Variants in VPS35 observed in about 807,000 individuals in gnomAD.
VPS35 encodes the protein vacuolar protein sorting-associated protein 35.
A neutral mutation model predicts 98.1 loss-of-function variants in VPS35; 21 were observed. That is an observed-to-expected ratio of 0.21 (90% confidence interval 0.15 to 0.31). VPS35 has a LOEUF of 0.31. Among genes scored for constraint, VPS35 ranks in the 10% least tolerant of loss-of-function variants. VPS35 has a pLI of 1.00. For missense variants in VPS35, 554 were observed against 950.8 expected, an observed-to-expected ratio of 0.58 and a Z score of 5.49; for synonymous variants, 268 against 318.2, an observed-to-expected ratio of 0.84 and a Z score of 1.68.
rs1741698391 is a variant in VPS35, at chr16:46,681,971, AC to A, written c.199+107del. ...GAAGGAGTGCCATGTGACTCAGATA[AC>A]GAAGAATAAGATAACTCCAGAAAAA... On this transcript the variant is annotated intron_variant, in intron 3 of 16. Transcript: ENST00000299138. The A allele has an allele frequency of 6.2e-6, 5 of 812,206 alleles. No homozygotes were observed. In the South Asian group the frequency reaches 7.3e-5, roughly 12 times the overall value. The allele number at this position is 812,206 out of a possible 1,614,324, so 50.3% of individuals were successfully genotyped here.
rs1223717892 is a variant in VPS35 at position 46,677,455 on chromosome 16, T to C, written c.721-57A>G. On this transcript the variant is annotated intron_variant, in intron 6 of 16. Transcript: ENST00000299138. ...AATCTGTTTTCAAAATCTTAAGCTA[T>C]TCCTCTAGTAACGCATTTGAACTAC... is the stretch of plus-strand genomic sequence containing the variant. 10 of 1,424,016 alleles carry C rather than the reference T, an allele frequency of 7.0e-6. 1 individual carries two copies. The South Asian group carries it at 9.2e-5, about 13-fold the overall frequency. 88.2% of individuals were successfully genotyped at this position (1,424,016 alleles called of 1,614,324 possible).
At position 46,661,964 on chromosome 16, in the gene VPS35, C is replaced by T; in HGVS notation, c.2068-103G>A. ...GTGGCTCTTTCGTGTTTTAAAGGGA[C>T]ATAACAAATTTAAATCCTTTTCATT... On this transcript the variant is annotated intron_variant, in intron 15 of 16. Transcript: ENST00000299138. The surrounding 1 kb of genome is among the most constrained non-coding windows in gnomAD (Gnocchi z 4.3). The T allele has an allele frequency of 1.3e-6, 2 of 1,499,282 alleles. No individual in the cohort carries two copies. The highest frequency in any genetic ancestry group is 2.4e-5 in the South Asian group (2 of 85,076). 92.9% of individuals were successfully genotyped at this position (1,499,282 alleles called of 1,614,324 possible).
intron 13 of VPS35, among the ~76,000 whole-genome samples, chr16:46,664,292 G>A (rs1965956608): frequency 6.6e-6 from 1 of 151,916 alleles, no homozygotes; most frequent in African/African-American, 2.4e-5. Flanking sequence ...CTGAGTAGCT[G>A]GGATTACAAG....
At chr16:46,670,154 A>T (rs1307772745) in intron 12 of VPS35, among the ~76,000 whole-genome samples, 4 of 152,234 alleles carry the variant, frequency 2.6e-5, no homozygotes, top group African/African-American at 9.6e-5. Flanking sequence ...ACACAATGGC[A>T]TTCAGGTTTT....
At position 46,663,010 on chromosome 16, in the gene VPS35, C is replaced by T. The variant is rs752760936; in HGVS notation, c.1800G>A (p.Glu600=). ...GGGACATGAATTCATATGCGACTGT[C>T]TCATGATTTTCAAAACCAATTTCCC... is the stretch of plus-strand genomic sequence containing the variant. ...AAGEIGFENH[E]TVAYEFMSQA... The change falls in exon 14 of 17, where the codon GAG becomes GAA. Residue 600 remains glutamate, a synonymous_variant. Transcript: ENST00000299138. 1.9e-6 allele frequency: 3 copies of T among 1,614,192 alleles called. No homozygotes were observed. In the South Asian group the frequency reaches 3.3e-5, roughly 18 times the overall value.
chr16:46,661,720 C>T lies in VPS35; in HGVS notation c.2209G>A (p.Ala737Thr). 1 of 1,605,942 alleles carries T rather than the reference C, an allele frequency of 6.2e-7. No homozygotes were observed. The highest frequency in any genetic ancestry group is 1.1e-5 in the South Asian group (1 of 90,870). Residue 737 changes from alanine (A) to threonine (T), a missense_variant and splice_region_variant, in exon 16 of 17, where the codon GCG becomes ACG. By Grantham distance (58) the Ala-to-Thr change is moderately conservative. Around this residue, in one of 5 missense-constraint regions of VPS35, gnomAD observed 153 missense variants for 211.0 expected, o/e 0.73. Transcript: ENST00000299138. The surrounding 1 kb of genome is among the most constrained non-coding windows in gnomAD (Gnocchi z 4.3). ...YIYFYEKENDAVTIQVLNQLI... is the reference protein window; with the variant it reads ...YIYFYEKENDTVTIQVLNQLI... The stretch of plus-strand genomic sequence containing the variant: ...CAACACTTTACTAATTCACTTACCG[C>T]ATCATTTTCCTTTTCATAAAAATAG...
At chr16:46,670,441 G>A (rs1466488301) in intron 12 of VPS35, among the ~76,000 whole-genome samples, 1 of 151,922 alleles carries the variant, frequency 6.6e-6, no homozygotes. Context: ...CCACCACCAC[G>A]CCCAGCTAAT....
Position 46,688,949 on chromosome 16 carries a change from C to T in VPS35, c.3+182G>A, listed in dbSNP as rs1050468315. ...GCCAAGAGCCGCCGCCCACCCCGGC[C>T]CGGATCAGCCTGCCCGCGGCCTTCC... On this transcript the variant is annotated intron_variant, in intron 1 of 16. Transcript: ENST00000299138. 3 of 1,491,440 alleles carry T rather than the reference C, an allele frequency of 2.0e-6. No homozygotes were observed. In the African/African-American group the frequency reaches 4.2e-5, roughly 21 times the overall value. 92.4% of individuals were successfully genotyped at this position (1,491,440 alleles called of 1,614,324 possible).
At chr16:46,664,901 CT>C (rs1454519733) in intron 13 of VPS35, among the ~76,000 whole-genome samples, 1 of 152,204 alleles carries the variant, frequency 6.6e-6, no homozygotes, top group Non-Finnish European at 1.5e-5. Context: ...ATTATGGAGA[CT>C]GGCTATGGCA....
chr16:46,685,858 T>A (rs537870435), intron 1 of VPS35, among the ~76,000 whole-genome samples: 1 of 152,328 alleles, frequency 6.6e-6, no homozygotes, highest in South Asian at 2.1e-4. Context: ...TATTTTTCTT[T>A]ATGATACATC....
At chr16:46,681,577 C>T in intron 3 of VPS35, 77 bp from the exon 4 acceptor site, 3 of 1,522,666 alleles carry the variant, frequency 2.0e-6, no homozygotes, top group Non-Finnish European at 2.7e-6. Flanking sequence ...GGAGTCATTA[C>T]TAACTACTGG....
At chr16:46,680,640 T>C in intron 5 of VPS35, 31 bp downstream of exon 5, 1 of 1,606,826 alleles carries the variant, frequency 6.2e-7, no homozygotes, top group Non-Finnish European at 8.5e-7. Flanking sequence ...AAAGAAATAT[T>C]GCAACAAAAT....
At chr16:46,686,689 T>C (rs1358928323) in intron 1 of VPS35, among the ~76,000 whole-genome samples, 3 of 152,250 alleles carry the variant, frequency 2.0e-5, no homozygotes, top group Admixed American at 6.5e-5. Context: ...TTAACAGTTA[T>C]AATATGAGCA....
Position 46,681,360 on chromosome 16 carries a change from G to C in VPS35, c.323+17C>G. On this transcript the variant is annotated intron_variant, in intron 4 of 16. Coordinates refer to ENST00000299138, the MANE Select transcript of VPS35 (RefSeq NM_018206.6). The stretch of plus-strand genomic sequence containing the variant: ...AGAAATACAGACACAAAAGTTCTCT[G>C]ATTTGTAATTACTTACAGCCTTGGG... 1 of 1,613,248 alleles carries C rather than the reference G, an allele frequency of 6.2e-7. No homozygotes were observed.
chr16:46,675,106 T>TTTTTTTTTTTTTTTTTTTTTTTTGAG (rs1288019338), intron 8 of VPS35, among the ~76,000 whole-genome samples: 4 of 150,786 alleles, frequency 2.7e-5, no homozygotes, highest in African/African-American at 4.9e-5. Flanking sequence ...AATTCATTTT[T>TTTTTTTTTTTTTTTTTTTTTTTTGAG]AACTAAACAG....
chr16:46,681,065 T>C (rs376695699), intron 4 of VPS35, among the ~76,000 whole-genome samples: 6 of 115,812 alleles, frequency 5.2e-5, no homozygotes, highest in African/African-American at 1.9e-4. Flanking sequence ...ACACACACAC[T>C]GTATATATAC....
At chr16:46,680,186 G>A (rs188243814) in intron 5 of VPS35, among the ~76,000 whole-genome samples, 3 of 152,246 alleles carry the variant, frequency 2.0e-5, no homozygotes, top group Non-Finnish European at 2.9e-5. Flanking sequence ...GAGTGTCTCT[G>A]AATGGCTTTT....
intron 1 of VPS35, chr16:46,688,859 C>T: frequency 2.1e-6 from 3 of 1,427,578 alleles, no homozygotes; most frequent in Non-Finnish European, 2.7e-6. Context: ...CCTTCATGGA[C>T]CCCAAAGCCT....
Position 46,680,848 on chromosome 16 carries a change from A to G in VPS35, c.329T>C (p.Leu110Pro). ...ATATACAACTCCAACTGTGATCAAA[A>G]GGTAACTAGGAAAATTATGAAGAAA... ...YAGNIIPRLY[L>P]LITVGVVYVK... The change falls in exon 5 of 17, where the codon CTT (leucine) becomes CCT (proline). Residue 110 changes from leucine to proline, a missense_variant. Physicochemically the swap from Leu to Pro is moderately conservative, Grantham distance 98. This residue lies in a region of VPS35 where 77 missense variants were observed against 222.3 expected (regional missense o/e 0.35). Transcript: ENST00000299138. 6.2e-7 allele frequency: 1 copy of G among 1,613,672 alleles called. No homozygotes were observed. Among genetic ancestry groups the G allele is most frequent in the Non-Finnish European group, 8.5e-7 (1 of 1,179,606 alleles).
Sources: allele counts gnomAD v4.1 joint callset (sites outside exome capture counted in the v4.1 genomes callset), GRCh38; gene constraint gnomAD v4.1.1; regional missense constraint gnomAD v4.1.1; non-coding constraint Gnocchi (gnomAD v3.1); transcripts MANE v1.5; gene names NCBI Gene and HGNC (gene_info 2026-07-23, HGNC 2026-07-21).